The following KCNMA1 variants were observed in gnomAD, a reference collection of about 807,000 sequenced individuals.
KCNMA1 encodes potassium calcium-activated channel subfamily M alpha 1.
In KCNMA1, 29 loss-of-function variants were observed where a neutral mutation model predicts 140.0. The ratio of observed to expected loss-of-function variants is 0.21; its 90% confidence interval spans 0.15 to 0.28. The LOEUF (loss-of-function observed/expected upper bound fraction) is 0.28, where lower values mean the gene tolerates loss of function less well. Among genes scored for constraint, KCNMA1 ranks in the 10% least tolerant of loss-of-function variants. KCNMA1 has a pLI of 1.00. For synonymous variants in KCNMA1, 612 were observed against 611.9 expected, an observed-to-expected ratio of 1.00 and a Z score of 0.00; for missense variants, 880 against 1,602.2, an observed-to-expected ratio of 0.55 and a Z score of 7.70.
At chr10:77,599,514 T>C (rs184452420) in intron 1 of KCNMA1, among the ~76,000 whole-genome samples, 125 of 152,302 alleles carry the variant, frequency 8.2e-4, no homozygotes, top group African/African-American at 2.7e-3. Context: ...GAGGTGATAG[T>C]GGGCGTTCTT....
intron 1 of KCNMA1, among the ~76,000 whole-genome samples, chr10:77,571,169 G>A (rs185071168): frequency 9.2e-5 from 14 of 152,146 alleles, no homozygotes; most frequent in African/African-American, 3.4e-4. Context: ...CTATTCCATT[G>A]GAACTATATC....
chr10:77,153,787 C>T (rs1015206973), intron 5 of KCNMA1, among the ~76,000 whole-genome samples: 9 of 152,128 alleles, frequency 5.9e-5, no homozygotes, highest in African/African-American at 1.9e-4. Context: ...CAACTTACAT[C>T]CTGGAGTTTA....
intron 3 of KCNMA1, among the ~76,000 whole-genome samples, chr10:77,195,032 T>TTTGTTG (rs374704938): frequency 2.6e-5 from 4 of 151,992 alleles, no homozygotes; most frequent in Admixed American, 6.6e-5. Context: ...ATCTTGAAGT[T>TTTGTTG]TTGTTGTTGT....
chr10:77,138,641 G>A (rs1022332420), intron 5 of KCNMA1, among the ~76,000 whole-genome samples: 3 of 152,166 alleles, frequency 2.0e-5, no homozygotes, highest in African/African-American at 7.2e-5. Flanking sequence ...ATTGCTCCCT[G>A]CCAAAAGCCA....
intron 2 of KCNMA1, among the ~76,000 whole-genome samples, chr10:77,366,057 A>G (rs1409763445): frequency 6.6e-6 from 1 of 152,170 alleles, no homozygotes; most frequent in East Asian, 1.9e-4. Context: ...ATGCAGCTGG[A>G]GTTAATTCCA....
intron 14 of KCNMA1, among the ~76,000 whole-genome samples, chr10:77,072,443 C>T (rs549648491): frequency 6.6e-6 from 1 of 152,062 alleles, no homozygotes; most frequent in Non-Finnish European, 1.5e-5. Flanking sequence ...CTCTCCTTGC[C>T]TGCACTGGTG....
chr10:76,962,267 C>G (rs191500249), intron 20 of KCNMA1, among the ~76,000 whole-genome samples: 1 of 152,286 alleles, frequency 6.6e-6, no homozygotes, highest in Admixed American at 6.5e-5. Context: ...ACCAGCCAAA[C>G]ACACAAAAAT....
At chr10:77,302,768 A>G (rs1435719967) in intron 2 of KCNMA1, among the ~76,000 whole-genome samples, 2 of 152,176 alleles carry the variant, frequency 1.3e-5, no homozygotes, top group Non-Finnish European at 2.9e-5. Flanking sequence ...GAGTATGCAA[A>G]AAAAGGCAAC....
At chr10:77,561,674 ACCTTC>A (rs2066443320) in intron 1 of KCNMA1, among the ~76,000 whole-genome samples, 1 of 152,118 alleles carries the variant, frequency 6.6e-6, no homozygotes, top group South Asian at 2.1e-4. Flanking sequence ...CAGGTCCATG[ACCTTC>A]ACAAGGGGCA....
chr10:77,021,222 A>C (rs1346882575), intron 16 of KCNMA1: 1 of 152,246 alleles, frequency 6.6e-6, no homozygotes, highest in African/African-American at 2.4e-5. Context: ...TTGCAAATGC[A>C]GGTAAGCCTC....
At chr10:77,156,794 A>G (rs531402) in intron 5 of KCNMA1, among the ~76,000 whole-genome samples, 17 of 151,902 alleles carry the variant, frequency 1.1e-4, no homozygotes, top group Non-Finnish European at 2.4e-4. Context: ...GACTGACCCC[A>G]CCTGGACCCA....
At chr10:77,242,564 T>G (rs1224232002) in intron 3 of KCNMA1, among the ~76,000 whole-genome samples, 1 of 152,244 alleles carries the variant, frequency 6.6e-6, no homozygotes, top group Non-Finnish European at 1.5e-5. Flanking sequence ...ATTGATATAT[T>G]GCTTAGCGAT....
chr10:77,027,653 G>A (rs1268974673), intron 16 of KCNMA1, among the ~76,000 whole-genome samples, 170 bp downstream of exon 16: 1 of 152,196 alleles, frequency 6.6e-6, no homozygotes, highest in Non-Finnish European at 1.5e-5. Context: ...CATAGAAGCT[G>A]CAGTGTCTGA....
At chr10:77,379,303 A>G (rs2095298513) in intron 2 of KCNMA1, among the ~76,000 whole-genome samples, 1 of 152,170 alleles carries the variant, frequency 6.6e-6, no homozygotes, top group Non-Finnish European at 1.5e-5. Context: ...ATTATCTTTT[A>G]AAGACAGAAA....
chr10:77,344,344 G>T (rs1373527438), intron 2 of KCNMA1, among the ~76,000 whole-genome samples: 9 of 152,154 alleles, frequency 5.9e-5, no homozygotes, highest in Non-Finnish European at 1.3e-4. Flanking sequence ...TCAATTCATT[G>T]AGAGGTGAGG....
chr10:77,128,238 G>A lies in KCNMA1; in HGVS notation c.809-7190C>T, dbSNP rs190349822. On this transcript the variant is annotated intron_variant, in intron 5 of 27. Transcript: ENST00000286628. ...TGTATACCATATATTATCTCCCACC[G>A]TTCGTCATTCTTCTCAATTTGGCTT... 2.4e-3 allele frequency among the ~76,000 whole-genome samples: 365 copies of A among 151,836 alleles called. 1 individual carries two copies. The highest frequency in any genetic ancestry group is 6.8e-3 in the Middle Eastern group (2 of 294).
intron 2 of KCNMA1, among the ~76,000 whole-genome samples, chr10:77,370,080 T>C (rs1363829073): frequency 6.6e-6 from 1 of 152,244 alleles, no homozygotes; most frequent in Non-Finnish European, 1.5e-5. Flanking sequence ...TTGAATGTCG[T>C]CTGAAGTCAG....
chr10:77,329,949 C>T (rs1002336824), intron 2 of KCNMA1, among the ~76,000 whole-genome samples: 1 of 152,140 alleles, frequency 6.6e-6, no homozygotes, highest in African/African-American at 2.4e-5. Context: ...AAGTGCTTGC[C>T]ACATTGTACA....
intron 1 of KCNMA1, among the ~76,000 whole-genome samples, chr10:77,535,047 G>A (rs1299960120): frequency 6.6e-6 from 1 of 152,176 alleles, no homozygotes; most frequent in Non-Finnish European, 1.5e-5. Flanking sequence ...TAAGGGTCGT[G>A]GAGATTCACC....
Sources: allele counts gnomAD v4.1 joint callset (sites outside exome capture counted in the v4.1 genomes callset), GRCh38; gene constraint gnomAD v4.1.1; transcripts MANE v1.5; gene names NCBI Gene and HGNC (gene_info 2026-07-23, HGNC 2026-07-21).